Variants in NPSR1 observed in about 807,000 individuals in gnomAD.
NPSR1 encodes neuropeptide S receptor 1.
In NPSR1, 48 loss-of-function variants were observed where a neutral mutation model predicts 46.9. That is an observed-to-expected ratio of 1.02 (90% CI 0.81 to 1.30). NPSR1 has a LOEUF of 1.30. NPSR1 is among the 50% of genes most tolerant of loss of function. The probability of loss-of-function intolerance (pLI) is 0.00; values close to 1 mark genes in which losing one functional copy is unlikely to be tolerated. For synonymous variants in NPSR1, 176 were observed against 168.1 expected (o/e 1.05, Z -0.36); for missense variants, 450 against 449.5 (o/e 1.00, Z -0.01).
intron 1 of NPSR1, among the ~76,000 whole-genome samples, chr7:34,659,056 G>A (rs1791328722): frequency 6.6e-6 from 1 of 152,160 alleles, no homozygotes; most frequent in South Asian, 2.1e-4. Flanking sequence ...AAACATCAGT[G>A]AGGAATATAT....
chr7:34,870,165 T>TG (rs1791417593), intron 8 of NPSR1, among the ~76,000 whole-genome samples: 1 of 151,924 alleles, frequency 6.6e-6, no homozygotes, highest in Admixed American at 6.5e-5. Flanking sequence ...CTCCTCCCTC[T>TG]GAGCTGCCTC....
chr7:34,845,348 C>T (rs2128763912), intron 7 of NPSR1, among the ~76,000 whole-genome samples: 1 of 152,362 alleles, frequency 6.6e-6, no homozygotes, highest in Middle Eastern at 3.4e-3. Flanking sequence ...ATAGAAGTGA[C>T]TTTCCACCTT....
At chr7:34,759,941 C>T (rs1057022394) in intron 2 of NPSR1, among the ~76,000 whole-genome samples, 1 of 152,198 alleles carries the variant, frequency 6.6e-6, no homozygotes, top group Non-Finnish European at 1.5e-5. Context: ...GGCCCAATCC[C>T]TGAACTAATC....
intron 8 of NPSR1, among the ~76,000 whole-genome samples, chr7:34,860,766 G>A (rs1353349225): frequency 6.6e-6 from 1 of 151,906 alleles, no homozygotes; most frequent in Non-Finnish European, 1.5e-5. Flanking sequence ...AAAAAGGCAA[G>A]TAACATTTTA....
rs539007082 is a variant in NPSR1, at chr7:34,733,802, G to A, written c.281-44660G>A. ...TCCATTATAAGTTATGGCCTTCTAT[G>A]GGATAAAATTACATGACTTTCCAGA... On this transcript the variant is annotated intron_variant, in intron 2 of 8. Coordinates refer to ENST00000360581, the MANE Select transcript of NPSR1 (RefSeq NM_207172.2). Among the ~76,000 whole-genome samples the A allele has an allele frequency of 2.3e-3, 349 of 152,296 alleles. 1 individual carries two copies. The highest frequency in any genetic ancestry group is 8.0e-3 in the African/African-American group (334 of 41,564).
intron 4 of NPSR1, among the ~76,000 whole-genome samples, chr7:34,813,725 T>C (rs1182199592): frequency 1.3e-5 from 2 of 152,148 alleles, no homozygotes; most frequent in Non-Finnish European, 2.9e-5. Context: ...AAACTTGACA[T>C]TTGACCTCAC....
At chr7:34,665,976 T>C (rs1230517572) in intron 1 of NPSR1, among the ~76,000 whole-genome samples, 2 of 152,168 alleles carry the variant, frequency 1.3e-5, no homozygotes, top group Non-Finnish European at 2.9e-5. Flanking sequence ...GGTCAGTAAA[T>C]ATTTTGTTGA....
chr7:34,797,632 A>T (rs1788238181), intron 3 of NPSR1, among the ~76,000 whole-genome samples: 1 of 152,188 alleles, frequency 6.6e-6, no homozygotes, highest in Admixed American at 6.5e-5. Context: ...AAGATGAAAA[A>T]TTTTCTAAAT....
intron 1 of NPSR1, among the ~76,000 whole-genome samples, chr7:34,667,949 C>T (rs1485388787): frequency 6.6e-6 from 1 of 151,896 alleles, no homozygotes; most frequent in East Asian, 1.9e-4. Flanking sequence ...TTCTGAGTTC[C>T]ATCCCTCAAG....
chr7:34,758,674 T>C (rs573371998), intron 2 of NPSR1, among the ~76,000 whole-genome samples: 7 of 152,358 alleles, frequency 4.6e-5, no homozygotes, highest in African/African-American at 1.7e-4. Context: ...CACATATTCC[T>C]GAAATGTTAA....
At chr7:34,661,890 G>A (rs1791470130) in intron 1 of NPSR1, among the ~76,000 whole-genome samples, 1 of 152,150 alleles carries the variant, frequency 6.6e-6, no homozygotes, top group Non-Finnish European at 1.5e-5. Flanking sequence ...AGTTTTCAAG[G>A]GGAAATGGGA....
chr7:34,829,978 T>C (rs189003146), intron 5 of NPSR1, among the ~76,000 whole-genome samples: 5 of 152,296 alleles, frequency 3.3e-5, no homozygotes, highest in Non-Finnish European at 7.4e-5. Flanking sequence ...TCCTCTTCCA[T>C]CACCTTCCCT....
chr7:34,792,392 G>T (rs1584033921), intron 3 of NPSR1, among the ~76,000 whole-genome samples: 1 of 150,980 alleles, frequency 6.6e-6, no homozygotes, highest in East Asian at 2.0e-4. Flanking sequence ...AGGCATGGTG[G>T]CTCACGCATA....
chr7:34,690,580 CAAAAT>C (rs1001302387), intron 2 of NPSR1, among the ~76,000 whole-genome samples: 1 of 151,874 alleles, frequency 6.6e-6, no homozygotes, highest in African/African-American at 2.4e-5. Context: ...GAAGGAAAAA[CAAAAT>C]AAAAGTGAAA....
At chr7:34,845,609 C>A (rs988188108) in intron 7 of NPSR1, 2 of 455,626 alleles carry the variant, frequency 4.4e-6, no homozygotes, top group Non-Finnish European at 8.8e-6. Flanking sequence ...TTTAAATATC[C>A]TTTTTCTAGT....
At chr7:34,875,474 G>A (rs930153836) in intron 8 of NPSR1, among the ~76,000 whole-genome samples, 1 of 152,216 alleles carries the variant, frequency 6.6e-6, no homozygotes, top group Non-Finnish European at 1.5e-5. Context: ...TGAGATGGAA[G>A]GCTGCAAATT....
Position 34,720,704 on chromosome 7 carries a change from G to A in NPSR1, c.280+36020G>A, listed in dbSNP as rs150322801. 1.2e-3 allele frequency among the ~76,000 whole-genome samples: 187 copies of A among 152,258 alleles called. 2 individuals are homozygous for A. Among genetic ancestry groups the A allele is most frequent in the African/African-American group, 4.4e-3 (181 of 41,550 alleles). On this transcript the variant is annotated intron_variant, in intron 2 of 8. Coordinates refer to ENST00000360581, the MANE Select transcript of NPSR1 (RefSeq NM_207172.2). ...AGGAGAAGAAGCCTTCCATTGGCTA[G>A]AGACCCCATCAGAAACTTGGAGTTG... is the stretch of plus-strand genomic sequence containing the variant.
chr7:34,809,460 A>ATTTTTTT (rs1157591101), intron 3 of NPSR1, among the ~76,000 whole-genome samples: 1 of 110,822 alleles, frequency 9.0e-6, no homozygotes, highest in Non-Finnish European at 1.8e-5. Flanking sequence ...TCACCCAGGT[A>ATTTTTTT]TTTTTTTTTT....
At chr7:34,669,803 T>C (rs1791953295) in intron 1 of NPSR1, among the ~76,000 whole-genome samples, 1 of 152,220 alleles carries the variant, frequency 6.6e-6, no homozygotes, top group Non-Finnish European at 1.5e-5. Flanking sequence ...CAAGGTTACA[T>C]AGCTGGTAGA....
Sources: gnomAD v4.1 joint callset for allele counts (sites outside exome capture counted in the v4.1 genomes callset) on GRCh38, gnomAD v4.1.1 for gene constraint, MANE v1.5 for transcripts, NCBI Gene and HGNC (gene_info 2026-07-23, HGNC 2026-07-21) for gene names.